Variants in SMAP1 observed in about 807,000 individuals in gnomAD.
SMAP1 encodes the protein stromal membrane-associated protein 1.
SMAP1 carries 24 observed loss-of-function variants against 58.5 expected under a neutral mutation model. The ratio of observed to expected loss-of-function variants is 0.41; its 90% CI spans 0.30 to 0.58. SMAP1 has a LOEUF of 0.58. Ranked by LOEUF, SMAP1 falls within the 20% of genes least tolerant of loss-of-function variation. The pLI is 0.29. For synonymous variants in SMAP1, 216 were observed against 196.6 expected (o/e 1.10, Z -0.82); for missense variants, 563 against 566.3 (o/e 0.99, Z 0.06).
intron 4 of SMAP1, among the ~76,000 whole-genome samples, chr6:70,777,744 T>C (rs1419050782): frequency 2.0e-5 from 3 of 151,904 alleles, no homozygotes; most frequent in African/African-American, 7.3e-5. Flanking sequence ...CCTATTTAAG[T>C]CTTCATTATT....
chr6:70,778,544 G>C (rs1413630057), intron 4 of SMAP1, among the ~76,000 whole-genome samples: 3 of 152,212 alleles, frequency 2.0e-5, no homozygotes, highest in Non-Finnish European at 4.4e-5. Flanking sequence ...ATTTATGCAT[G>C]CTTGGGATAA....
rs755045527 is a variant in SMAP1 at position 70,852,620 on chromosome 6, A to C, written c.745A>C (p.Met249Leu). 1.1e-5 allele frequency: 18 copies of C among 1,610,360 alleles called. No individual in the cohort carries two copies. Among genetic ancestry groups the C allele is most frequent in the Non-Finnish European group, 1.5e-5 (18 of 1,178,084 alleles). Residue 249 changes from methionine to leucine, a missense_variant, in exon 8 of 11, where the codon ATG becomes CTG. Around this residue, in one of 3 missense-constraint regions of SMAP1, gnomAD observed 494 missense variants for 473.8 expected, o/e 1.04. Transcript: ENST00000370455. ...CGATGATCTGGACATCTTTGGACCG[A>C]TGATTTCTAATCCCTTACCTGCAAC... ...LNDDLDIFGP[M>L]ISNPLPATVM...
At chr6:70,747,592 T>C (rs1393945294) in intron 2 of SMAP1, among the ~76,000 whole-genome samples, 1 of 152,082 alleles carries the variant, frequency 6.6e-6, no homozygotes, top group Non-Finnish European at 1.5e-5. Context: ...ACAAAGAATA[T>C]ATTGAGGAGT....
intron 1 of SMAP1, among the ~76,000 whole-genome samples, chr6:70,709,371 C>T (rs972195455): frequency 6.6e-6 from 1 of 152,052 alleles, no homozygotes; most frequent in African/African-American, 2.4e-5. Flanking sequence ...CAGGCTCTCG[C>T]TCTGTTGCCC....
chr6:70,742,004 A>G (rs927027467), intron 2 of SMAP1, among the ~76,000 whole-genome samples: 1 of 152,212 alleles, frequency 6.6e-6, no homozygotes, highest in South Asian at 2.1e-4. Context: ...TAGGCTGCAC[A>G]CAGCAGGGGG....
chr6:70,704,156 A>G (rs1362859900), intron 1 of SMAP1, among the ~76,000 whole-genome samples: 2 of 152,232 alleles, frequency 1.3e-5, no homozygotes, highest in South Asian at 2.1e-4. Flanking sequence ...TATTTTTCCT[A>G]GGCTCATTGA....
At chr6:70,766,583 T>C (rs1445870104) in intron 3 of SMAP1, among the ~76,000 whole-genome samples, 1 of 152,188 alleles carries the variant, frequency 6.6e-6, no homozygotes, top group Non-Finnish European at 1.5e-5. Flanking sequence ...GCCCACTTTT[T>C]GATGGGGTGG....
At position 70,693,409 on chromosome 6, in the gene SMAP1, T is replaced by C. The variant is rs1438955957; in HGVS notation, c.118+25268T>C. Among the ~76,000 whole-genome samples, 4 of 151,388 alleles carry C rather than the reference T, an allele frequency of 2.6e-5. No homozygotes were observed. The East Asian group carries it at 7.8e-4, about 30-fold the overall frequency. ...ACCTCTGCCTTCCAGGTTCAAGCGA[T>C]TCTCCTGCCTCTGCCTCCTGAGTAG... On this transcript the variant is annotated intron_variant, in intron 1 of 10. Coordinates refer to ENST00000370455, the MANE Select transcript of SMAP1 (RefSeq NM_001044305.3).
chr6:70,751,647 T>C (rs1315233823), intron 2 of SMAP1, among the ~76,000 whole-genome samples: 2 of 152,174 alleles, frequency 1.3e-5, no homozygotes, highest in Non-Finnish European at 2.9e-5. Context: ...TCAAAATTAC[T>C]AAGATCTTTG....
chr6:70,821,713 A>G (rs921514425), intron 6 of SMAP1, among the ~76,000 whole-genome samples: 1 of 152,160 alleles, frequency 6.6e-6, no homozygotes, highest in African/African-American at 2.4e-5. Flanking sequence ...GCAAGATGAT[A>G]GTAACTTTAT....
chr6:70,712,426 A>G (rs1490728113), intron 1 of SMAP1, among the ~76,000 whole-genome samples: 1 of 152,224 alleles, frequency 6.6e-6, no homozygotes, highest in African/African-American at 2.4e-5. Context: ...CAGCTTTGGT[A>G]CTACCCTGAG....
intron 7 of SMAP1, among the ~76,000 whole-genome samples, chr6:70,847,027 T>C (rs1771014272): frequency 6.6e-6 from 1 of 152,044 alleles, no homozygotes; most frequent in African/African-American, 2.4e-5. Flanking sequence ...TGTTGTATTC[T>C]TATTTCCTTT....
At chr6:70,789,724 CAAAAAAAAA>C (rs35376781) in intron 4 of SMAP1, among the ~76,000 whole-genome samples, 12 of 73,770 alleles carry the variant, frequency 1.6e-4, no homozygotes, top group African/African-American at 4.4e-4. Context: ...GACTCTGTCT[CAAAAAAAAA>C]AAAAAAAAAA....
At chr6:70,769,583 T>G (rs902304677) in intron 3 of SMAP1, among the ~76,000 whole-genome samples, 4 of 152,168 alleles carry the variant, frequency 2.6e-5, no homozygotes, top group South Asian at 2.1e-4. Flanking sequence ...ACCCCTGCCT[T>G]TTTTTGTTTT....
At chr6:70,723,613 CAT>C (rs1193841694) in intron 1 of SMAP1, among the ~76,000 whole-genome samples, 3 of 152,140 alleles carry the variant, frequency 2.0e-5, no homozygotes, top group African/African-American at 7.2e-5. Context: ...ATTACTTTCA[CAT>C]GTTTGCTTAT....
intron 3 of SMAP1, among the ~76,000 whole-genome samples, chr6:70,772,085 G>C (rs1040259425): frequency 2.0e-5 from 3 of 152,140 alleles, no homozygotes; most frequent in Non-Finnish European, 4.4e-5. Flanking sequence ...GAAATAACCT[G>C]ATGTGCATAT....
At chr6:70,752,296 A>G (rs1013214734) in intron 2 of SMAP1, among the ~76,000 whole-genome samples, 5 of 152,220 alleles carry the variant, frequency 3.3e-5, no homozygotes, top group Non-Finnish European at 7.3e-5. Flanking sequence ...CCTGCAGGAC[A>G]TAGTCCCAGT....
chr6:70,758,771 T>G (rs1411123172), intron 3 of SMAP1, among the ~76,000 whole-genome samples: 9 of 152,092 alleles, frequency 5.9e-5, no homozygotes, highest in Non-Finnish European at 1.2e-4. Context: ...ACATTAAGAT[T>G]GGCTTTGGTT....
chr6:70,682,409 G>C (rs1453141783), intron 1 of SMAP1, among the ~76,000 whole-genome samples: 1 of 151,526 alleles, frequency 6.6e-6, no homozygotes, highest in Admixed American at 6.6e-5. Context: ...GGCTGGTCTC[G>C]AACTCCTGAC....
Sources: gnomAD v4.1 joint callset for allele counts (sites outside exome capture counted in the v4.1 genomes callset) on GRCh38, gnomAD v4.1.1 for gene constraint, gnomAD v4.1.1 regional missense constraint, MANE v1.5 for transcripts, NCBI Gene and HGNC (gene_info 2026-07-23, HGNC 2026-07-21) for gene names.